Variants in NRTN observed in about 807,000 individuals in gnomAD.
NRTN encodes the protein neurturin.
In NRTN, 3 loss-of-function variants were observed where a neutral mutation model predicts 7.5. That is an observed-to-expected ratio of 0.40 (90% CI 0.18 to 1.03). The LOEUF is 1.03. NRTN is among the 50% of genes least tolerant of loss of function. The pLI is 0.34. For synonymous variants in NRTN, 157 were observed against 146.6 expected (o/e 1.07, Z -0.51); for missense variants, 310 against 307.0 (o/e 1.01, Z -0.07).
In NRTN at chr19:5,824,264, C is replaced by T. The variant is rs757479724; in HGVS notation, c.99C>T (p.Leu33=). Residue 33 remains leucine (L), a synonymous_variant, in exon 2 of 3, where the codon CTC becomes CTT. Transcript: ENST00000303212. Reference sequence around the variant, plus strand: ...AGGGCCTGCTTCTCAGCCACCGCCTCGGACCTGCGCTGGTCCCCCTGCACC... The same window carrying T: ...AGGGCCTGCTTCTCAGCCACCGCCTTGGACCTGCGCTGGTCCCCCTGCACC... The part of the protein sequence containing the change: ...CREGLLLSHR[L]GPALVPLHRL... 1.1e-5 allele frequency: 17 copies of T among 1,611,124 alleles called. No individual in the cohort carries two copies. The highest frequency in any genetic ancestry group is 1.4e-5 in the Non-Finnish European group (17 of 1,179,502).
chr19:5,809,259 C>A (rs2056983015), intron 1 of NRTN, among the ~76,000 whole-genome samples: 1 of 151,646 alleles, frequency 6.6e-6, no homozygotes, highest in African/African-American at 2.4e-5. Flanking sequence ...CAGCCTCCAC[C>A]TCCTGGACTC....
At position 5,822,661 on chromosome 19, in the gene NRTN, G is replaced by A. The variant is rs138224262; in HGVS notation, c.-398-1107G>A. Among the ~76,000 whole-genome samples, 1,308 of 152,292 alleles carry A rather than the reference G, an allele frequency of 8.6e-3. 10 individuals carry two copies. The highest frequency in any genetic ancestry group is 0.014 in the Non-Finnish European group (984 of 68,018). On this transcript the variant is annotated intron_variant, in intron 1 of 2. Transcript: ENST00000303212. ...GAGGTTGAAGTGAATAGGGTAGGCA[G>A]CCATGGAAGGCTCCCTGGAGGAGGC...
intron 1 of NRTN, among the ~76,000 whole-genome samples, chr19:5,811,257 C>A (rs1484777042): frequency 6.6e-6 from 1 of 151,916 alleles, no homozygotes; most frequent in Admixed American, 6.6e-5. Flanking sequence ...GGTTTTGCAG[C>A]CATTGATTGG....
intron 1 of NRTN, among the ~76,000 whole-genome samples, chr19:5,808,271 C>T (rs1021031951): frequency 8.5e-5 from 13 of 152,198 alleles, no homozygotes; most frequent in East Asian, 1.9e-4. Flanking sequence ...TCAAGCCACC[C>T]GCTGGGACCT....
At chr19:5,819,642 A>T (rs528227916) in intron 1 of NRTN, among the ~76,000 whole-genome samples, 45 of 151,764 alleles carry the variant, frequency 3.0e-4, no homozygotes, top group African/African-American at 1.0e-3. Flanking sequence ...CAGCCTGGGC[A>T]ACAAGAGCAA....
intron 1 of NRTN, among the ~76,000 whole-genome samples, chr19:5,820,477 A>G (rs896762525): frequency 2.0e-5 from 3 of 151,368 alleles, no homozygotes; most frequent in African/African-American, 7.3e-5. Flanking sequence ...GAGGCAGGAG[A>G]ATCGCTTGAA....
Position 5,827,864 on chromosome 19 carries a change from T to TGCGCGGTTGGGGGC in NRTN, c.289_302dup (p.Pro102GlyfsTer16), listed in dbSNP as rs2057053582. The TGCGCGGTTGGGGGC allele has an allele frequency of 8.2e-7, 1 of 1,220,546 alleles. No homozygotes were observed. Among genetic ancestry groups the TGCGCGGTTGGGGGC allele is most frequent in the Non-Finnish European group, 1.0e-6 (1 of 982,278 alleles). The allele number at this position is 1,220,546 out of a possible 1,614,324, so 75.6% of individuals were successfully genotyped here. Reference sequence around the variant, plus strand: ...CGGGGCCCCGGCGGCGGCGCGCGCGTGCGCGGTTGGGGGCGCGGCCTTGCG... The same window carrying TGCGCGGTTGGGGGC: ...CGGGGCCCCGGCGGCGGCGCGCGCGTGCGCGGTTGGGGGCGCGCGGTTGGGGGCGCGGCCTTGCG... On this transcript the variant is annotated frameshift_variant, in exon 3 of 3. Coordinates refer to ENST00000303212, the MANE Select transcript of NRTN (RefSeq NM_004558.5). LOFTEE classifies it low-confidence loss of function (END_TRUNC).
rs892391265 is a variant in NRTN, at chr19:5,805,080, G to C, written c.-770G>C. On this transcript the variant is annotated 5_prime_UTR_variant, in exon 1 of 3. Coordinates refer to ENST00000303212, the MANE Select transcript of NRTN (RefSeq NM_004558.5). ...GGCGGGACGGGCGGAGGCGGCGGGA[G>C]AGCGCGCCCTGAAGCCGCTCCGAGT... Among the ~76,000 whole-genome samples the C allele has an allele frequency of 1.4e-5, 2 of 146,270 alleles. No homozygotes were observed. Among genetic ancestry groups the C allele is most frequent in the Non-Finnish European group, 3.0e-5 (2 of 65,770 alleles).
chr19:5,811,710 G>GTTT (rs57430586), intron 1 of NRTN, among the ~76,000 whole-genome samples: 3 of 109,790 alleles, frequency 2.7e-5, no homozygotes, highest in Middle Eastern at 4.5e-3. Context: ...TTTGTTTTTT[G>GTTT]TTTTTTTTTT....
intron 1 of NRTN, among the ~76,000 whole-genome samples, chr19:5,808,897 AG>A (rs2056981677): frequency 6.6e-6 from 1 of 151,574 alleles, no homozygotes; most frequent in Admixed American, 6.6e-5. Context: ...CTGGGACTAC[AG>A]GCGCCCACCA....
intron 1 of NRTN, among the ~76,000 whole-genome samples, chr19:5,814,454 T>C (rs2056999178): frequency 6.6e-6 from 1 of 152,182 alleles, no homozygotes; most frequent in South Asian, 2.1e-4. Context: ...TCCCCCTCCC[T>C]TTCTTCATCT....
intron 1 of NRTN, among the ~76,000 whole-genome samples, chr19:5,818,595 T>C (rs1191763843): frequency 3.9e-5 from 6 of 152,022 alleles, no homozygotes; most frequent in Admixed American, 2.0e-4. Context: ...AGGGCACAGA[T>C]GATAACCTGA....
At position 5,828,083 on chromosome 19, in the gene NRTN, G is replaced by A; in HGVS notation, c.504G>A (p.Thr168=). 6.8e-7 allele frequency: 1 copy of A among 1,481,236 alleles called. No individual in the cohort carries two copies. The highest frequency in any genetic ancestry group is 2.9e-5 in the East Asian group (1 of 34,948). 91.8% of individuals were successfully genotyped at this position (1,481,236 alleles called of 1,614,324 possible). The part of the protein sequence containing the change: ...RVRAQPCCRP[T]AYEDEVSFLD... Reference sequence around the variant, plus strand: ...GCGCGCAGCCCTGCTGCCGCCCGACGGCCTACGAGGACGAGGTGTCCTTCC... The same window carrying A: ...GCGCGCAGCCCTGCTGCCGCCCGACAGCCTACGAGGACGAGGTGTCCTTCC... The change falls in exon 3 of 3, where the codon ACG becomes ACA. Residue 168 remains threonine, a synonymous_variant. Coordinates refer to ENST00000303212, the MANE Select transcript of NRTN (RefSeq NM_004558.5).
intron 1 of NRTN, among the ~76,000 whole-genome samples, chr19:5,807,496 AGGGCTGATAAT>A (rs2144754572): frequency 6.6e-6 from 1 of 152,306 alleles, no homozygotes; most frequent in African/African-American, 2.4e-5. Context: ...TTGCACTTGC[AGGGCTGATAAT>A]GGCCTTGAAG....
chr19:5,820,738 G>GAA (rs869276836), intron 1 of NRTN, among the ~76,000 whole-genome samples: 4 of 39,068 alleles, frequency 1.0e-4, no homozygotes, highest in South Asian at 1.0e-3. Flanking sequence ...TCTGTCTCAA[G>GAA]AAAAAAAAAA....
At chr19:5,814,983 C>T (rs540247038) in intron 1 of NRTN, among the ~76,000 whole-genome samples, 1 of 152,368 alleles carries the variant, frequency 6.6e-6, no homozygotes, top group East Asian at 1.9e-4. Flanking sequence ...GTAGACGGCA[C>T]CTGGGATCCC....
chr19:5,820,904 C>T (rs2057022507), intron 1 of NRTN, among the ~76,000 whole-genome samples: 1 of 152,154 alleles, frequency 6.6e-6, no homozygotes. Flanking sequence ...TTCCAAACCT[C>T]CTCTCCTCTC....
In NRTN at chr19:5,805,349, C is replaced by G. The variant is rs932360232; in HGVS notation, c.-501C>G. On this transcript the variant is annotated 5_prime_UTR_variant, in exon 1 of 3. Coordinates refer to ENST00000303212, the MANE Select transcript of NRTN (RefSeq NM_004558.5). ...CGCCCCCTCCGGCCCGGGCCCCCCC[C>G]GGGCACCGCGGGCCCAGGCGGCCCG... 1.4e-5 allele frequency among the ~76,000 whole-genome samples: 2 copies of G among 146,036 alleles called. No individual in the cohort carries two copies. The highest frequency in any genetic ancestry group is 3.0e-5 in the Non-Finnish European group (2 of 65,874).
chr19:5,821,391 G>C (rs568189044), intron 1 of NRTN, among the ~76,000 whole-genome samples: 80 of 127,346 alleles, frequency 6.3e-4, no homozygotes, highest in African/African-American at 2.1e-3. Flanking sequence ...TGCAACCTCC[G>C]CCTCCCGGGT....
Sources: allele counts gnomAD v4.1 joint callset (sites outside exome capture counted in the v4.1 genomes callset), GRCh38; gene constraint gnomAD v4.1.1; transcripts MANE v1.5; gene names NCBI Gene and HGNC (gene_info 2026-07-23, HGNC 2026-07-21).